PDE5A: variants seen among roughly 807,000 people sequenced by gnomAD.
PDE5A encodes the protein cGMP-specific 3',5'-cyclic phosphodiesterase.
In PDE5A, 67 loss-of-function variants were observed where a neutral mutation model predicts 110.2. That is an observed-to-expected ratio of 0.61 (90% CI 0.50 to 0.75). The LOEUF is 0.75. PDE5A is among the 30% of genes least tolerant of loss of function. The pLI, the probability that PDE5A is intolerant of heterozygous loss-of-function variation, is 0.00. For synonymous variants in PDE5A, 328 were observed against 351.2 expected, an observed-to-expected ratio of 0.93 and a Z score of 0.74; for missense variants, 862 against 1,045.1, an observed-to-expected ratio of 0.82 and a Z score of 2.42.
chr4:119,538,923 G>A, intron 11 of PDE5A, 37 bp downstream of exon 11: 1 of 1,493,156 alleles, frequency 6.7e-7, no homozygotes, highest in Non-Finnish European at 9.3e-7. Context: ...TTAGGTGTCT[G>A]TAATTAGTAA....
At chr4:119,602,096 G>C (rs1418150319) in intron 2 of PDE5A, among the ~76,000 whole-genome samples, 1 of 152,026 alleles carries the variant, frequency 6.6e-6, no homozygotes, top group Non-Finnish European at 1.5e-5. Flanking sequence ...TTTGACTATG[G>C]ACTGTTAATA....
chr4:119,511,239 AAATT>A (rs139399802), intron 14 of PDE5A, 105 bp from the exon 15 acceptor site: 5 of 670,538 alleles, frequency 7.5e-6, no homozygotes, highest in African/African-American at 7.2e-5. Flanking sequence ...CTACTTCACA[AAATT>A]AATCAACTAA....
At chr4:119,566,244 G>A (rs182140004) in intron 4 of PDE5A, among the ~76,000 whole-genome samples, 53 of 152,136 alleles carry the variant, frequency 3.5e-4, no homozygotes, top group Admixed American at 2.8e-3. Flanking sequence ...ATAACAAGGG[G>A]AGCAACACAG....
At chr4:119,576,213 C>T (rs1728337696) in intron 3 of PDE5A, among the ~76,000 whole-genome samples, 1 of 152,164 alleles carries the variant, frequency 6.6e-6, no homozygotes. Flanking sequence ...TACAAAGAGA[C>T]TTAGACTCCC....
intron 14 of PDE5A, among the ~76,000 whole-genome samples, chr4:119,514,631 C>T (rs913787490): frequency 2.0e-4 from 31 of 152,060 alleles, no homozygotes; most frequent in African/African-American, 7.2e-4. Flanking sequence ...GACAGGGCTC[C>T]GCTTCTTTGT....
chr4:119,624,282 C>G (rs899073035), intron 1 of PDE5A, among the ~76,000 whole-genome samples: 1 of 151,854 alleles, frequency 6.6e-6, no homozygotes, highest in African/African-American at 2.4e-5. Flanking sequence ...GTTTATATTC[C>G]TATATAATTA....
chr4:119,627,215 T>C lies in PDE5A; in HGVS notation c.152+1305A>G, dbSNP rs1730383012. 6.2e-7 allele frequency: 1 copy of C among 1,611,916 alleles called. No homozygotes were observed. The highest frequency in any genetic ancestry group is 1.3e-5 in the African/African-American group (1 of 74,826). On this transcript the variant is annotated intron_variant, in intron 1 of 20. Transcript: ENST00000354960. This position sits in a 1 kb window ranked among gnomAD's most constrained non-coding sequence, Gnocchi z 4.6. ...GTTCGTTTTCGAACTCCGCCGATCCTGGACTCCAGGAGGCTCCGTAGGGGC... is the reference window on the plus strand; with the variant it reads ...GTTCGTTTTCGAACTCCGCCGATCCCGGACTCCAGGAGGCTCCGTAGGGGC...
At position 119,497,115 on chromosome 4, in the gene PDE5A, A is replaced by G. The variant is rs1160320980; in HGVS notation, c.*1486T>C. On this transcript the variant is annotated 3_prime_UTR_variant, in exon 21 of 21. Transcript: ENST00000354960. The stretch of plus-strand genomic sequence containing the variant: ...GGCGAAAGGTCCTTGAGAATGCTGG[A>G]TTACCATGTCCCTTAGAAATTTTCT... The G allele has an allele frequency of 2.0e-5, 3 of 152,138 alleles. No homozygotes were observed. Among genetic ancestry groups the G allele is most frequent in the Non-Finnish European group, 4.4e-5 (3 of 68,000 alleles). The allele number at this position is 152,138 out of a possible 1,614,324, so 9.4% of individuals were successfully genotyped here. A position where few individuals can be genotyped will look rare whatever the true frequency, so the allele number is the denominator to read the frequency against.
chr4:119,588,438 A>T (rs1182372397), intron 3 of PDE5A, among the ~76,000 whole-genome samples: 1 of 151,648 alleles, frequency 6.6e-6, no homozygotes, highest in Admixed American at 6.6e-5. Flanking sequence ...TAGCCTCCCA[A>T]AGTGCTTGGA....
chr4:119,565,687 C>A (rs1727905935), intron 4 of PDE5A, among the ~76,000 whole-genome samples: 1 of 151,904 alleles, frequency 6.6e-6, no homozygotes, highest in African/African-American at 2.4e-5. Flanking sequence ...TTATTCCATG[C>A]AAAATTTGGT....
At chr4:119,608,048 T>G (rs1729603201) in intron 1 of PDE5A, among the ~76,000 whole-genome samples, 1 of 152,194 alleles carries the variant, frequency 6.6e-6, no homozygotes, top group Non-Finnish European at 1.5e-5. Context: ...CTATGCCTAT[T>G]TTAGATAGTT....
chr4:119,514,940 GGAGA>G (rs905286189), intron 14 of PDE5A, among the ~76,000 whole-genome samples: 1 of 152,112 alleles, frequency 6.6e-6, no homozygotes, highest in African/African-American at 2.4e-5. Flanking sequence ...CAGAGTAAGA[GGAGA>G]GAGAAGCCAA....
chr4:119,578,883 C>T (rs970868017), intron 3 of PDE5A, among the ~76,000 whole-genome samples: 2 of 152,110 alleles, frequency 1.3e-5, no homozygotes, highest in Non-Finnish European at 2.9e-5. Flanking sequence ...AAAGAAACTA[C>T]CATCAGAGTG....
intron 11 of PDE5A, among the ~76,000 whole-genome samples, chr4:119,530,612 T>C (rs541947327): frequency 6.6e-6 from 1 of 152,274 alleles, no homozygotes; most frequent in African/African-American, 2.4e-5. Flanking sequence ...ATTATACAAA[T>C]TGTATAATTA....
At chr4:119,518,945 T>C (rs931650607) in intron 14 of PDE5A, 100 bp downstream of exon 14, 1 of 718,648 alleles carries the variant, frequency 1.4e-6, no homozygotes, top group Non-Finnish European at 2.5e-6. Flanking sequence ...GAGTATGTTA[T>C]GGGACCTTGA....
At chr4:119,511,383 A>T (rs975132956) in intron 14 of PDE5A, among the ~76,000 whole-genome samples, 5 of 152,154 alleles carry the variant, frequency 3.3e-5, no homozygotes, top group Non-Finnish European at 7.4e-5. Flanking sequence ...ATTGGTTTTA[A>T]TACTGATTAA....
intron 18 of PDE5A, 28 bp from the exon 19 acceptor site, chr4:119,502,683 A>C (rs1462575828): frequency 7.0e-7 from 1 of 1,418,822 alleles, no homozygotes; most frequent in Non-Finnish European, 9.9e-7. Context: ...CTCAGTTTTG[A>C]CAATGAAAAG....
chr4:119,502,317 AG>A, intron 19 of PDE5A: 1 of 278,474 alleles, frequency 3.6e-6, no homozygotes. Flanking sequence ...TAAAATGAAA[AG>A]TGGTTTCTAA....
intron 11 of PDE5A, among the ~76,000 whole-genome samples, chr4:119,534,786 A>C (rs1726673878): frequency 6.6e-6 from 1 of 152,196 alleles, no homozygotes; most frequent in Non-Finnish European, 1.5e-5. Flanking sequence ...TGACTTAGGC[A>C]TCAGAGATTT....
Sources: allele counts gnomAD v4.1 joint callset (sites outside exome capture counted in the v4.1 genomes callset), GRCh38; gene constraint gnomAD v4.1.1; non-coding constraint Gnocchi (gnomAD v3.1); transcripts MANE v1.5; gene names NCBI Gene and HGNC (gene_info 2026-07-23, HGNC 2026-07-21).